Variants in MS4A13 observed in about 807,000 individuals in gnomAD.
The protein encoded by MS4A13 is membrane spanning 4-domains A13.
A neutral mutation model predicts 18.4 loss-of-function variants in MS4A13; 21 were observed. The ratio of observed to expected loss-of-function variants is 1.14; its 90% CI spans 0.81 to 1.64. The LOEUF (loss-of-function observed/expected upper bound fraction) is 1.64. MS4A13 is among the 40% of genes most tolerant of loss of function. The pLI is 0.00. For synonymous variants in MS4A13, 62 were observed against 57.2 expected (o/e 1.08, Z -0.38); for missense variants, 173 against 176.8 (o/e 0.98, Z 0.12).
chr11:60,527,394 CTCTCTCTCTCTCTCTCTGTGTG>C (rs2086723724), intron 5 of MS4A13, among the ~76,000 whole-genome samples: 2 of 115,212 alleles, frequency 1.7e-5, no homozygotes, highest in African/African-American at 8.5e-5. Context: ...CTCTCTCTCT[CTCTCTCTCTCTCTCTCTGTGTG>C]TGTGTGTGTG....
chr11:60,542,429 T>TA, intron 6 of MS4A13, 90 bp from the exon 7 acceptor site: 1 of 801,006 alleles, frequency 1.2e-6, no homozygotes, highest in Non-Finnish European at 2.0e-6. Context: ...ATATCAGTAT[T>TA]ACCTGTATTT....
At chr11:60,518,491 C>A (rs1273183873) in intron 3 of MS4A13, among the ~76,000 whole-genome samples, 1 of 152,174 alleles carries the variant, frequency 6.6e-6, no homozygotes, top group Non-Finnish European at 1.5e-5. Context: ...AGAATCTTAA[C>A]TATAATATCC....
At chr11:60,538,391 C>A (rs1040818264) in intron 6 of MS4A13, among the ~76,000 whole-genome samples, 1 of 150,848 alleles carries the variant, frequency 6.6e-6, no homozygotes, top group Non-Finnish European at 1.5e-5. Flanking sequence ...ACTGGATATT[C>A]CAAAACTACC....
chr11:60,524,619 T>C (rs1435680767), intron 4 of MS4A13, among the ~76,000 whole-genome samples: 1 of 152,034 alleles, frequency 6.6e-6, no homozygotes, highest in African/African-American at 2.4e-5. Context: ...TCATATCTTA[T>C]ATGCTTTCTT....
chr11:60,543,228 C>T (rs1350817081), downstream of MS4A13, among the ~76,000 whole-genome samples: 3 of 152,108 alleles, frequency 2.0e-5, no homozygotes, highest in Non-Finnish European at 2.9e-5. Context: ...TTCTAGAAAT[C>T]GGTTCTGAAT....
intron 3 of MS4A13, among the ~76,000 whole-genome samples, chr11:60,521,682 C>T (rs1158661447): frequency 6.6e-6 from 1 of 152,170 alleles, no homozygotes; most frequent in Non-Finnish European, 1.5e-5. Context: ...CTAGGGAGTT[C>T]CAAACTTTCC....
At chr11:60,527,445 T>TGTGTGTGTGTGTGTGTGTGTGTG (rs2086726963) in intron 5 of MS4A13, among the ~76,000 whole-genome samples, 2 of 149,434 alleles carry the variant, frequency 1.3e-5, no homozygotes, top group African/African-American at 5.0e-5. Flanking sequence ...TGTGTGTGTG[T>TGTGTGTGTGTGTGTGTGTGTGTG]TTCCGTTTCC....
At chr11:60,525,418 C>G (rs1000525222) in intron 5 of MS4A13, 92 bp downstream of exon 5, 3 of 806,408 alleles carry the variant, frequency 3.7e-6, no homozygotes, top group Non-Finnish European at 5.5e-6. Flanking sequence ...GGCTTTTATT[C>G]GTCCTCATGA....
Position 60,533,539 on chromosome 11 carries a change from C to T in MS4A13, c.402+4079C>T, listed in dbSNP as rs1244723552. Among the ~76,000 whole-genome samples the T allele has an allele frequency of 9.2e-3, 1,108 of 120,972 alleles. 63 individuals carry two copies. Among genetic ancestry groups the T allele is most frequent in the African/African-American group, 0.033 (1,017 of 30,520 alleles). 79.4% of individuals were successfully genotyped at this position (120,972 alleles called of 152,430 possible). On this transcript the variant is annotated intron_variant, in intron 6 of 6. Coordinates refer to ENST00000378186, the MANE Select transcript of MS4A13 (RefSeq NM_001012417.3). The stretch of plus-strand genomic sequence containing the variant: ...GGACTATGTGAAAAGACCAAATCTA[C>T]GTCTGATTGGTGTACCTAAAAGTGA...
chr11:60,524,626 T>C (rs2086700082), intron 4 of MS4A13, among the ~76,000 whole-genome samples: 1 of 151,974 alleles, frequency 6.6e-6, no homozygotes, highest in Non-Finnish European at 1.5e-5. Flanking sequence ...TTATATGCTT[T>C]CTTCCAAATG....
intron 3 of MS4A13, among the ~76,000 whole-genome samples, chr11:60,518,726 A>G (rs1347415654): frequency 6.6e-6 from 1 of 152,222 alleles, no homozygotes; most frequent in Non-Finnish European, 1.5e-5. Flanking sequence ...TGTTTTGTCA[A>G]ATAAAATGAG....
intron 3 of MS4A13, among the ~76,000 whole-genome samples, chr11:60,520,302 A>G (rs1218682395): frequency 6.6e-6 from 1 of 152,136 alleles, no homozygotes; most frequent in Non-Finnish European, 1.5e-5. Flanking sequence ...TTCAAAACCA[A>G]TCATGCCTTC....
At chr11:60,540,971 A>G (rs1451589670) in intron 6 of MS4A13, among the ~76,000 whole-genome samples, 1 of 147,596 alleles carries the variant, frequency 6.8e-6, no homozygotes, top group Non-Finnish European at 1.5e-5. Flanking sequence ...AAAAAAAAAA[A>G]GGAAAGGAAA....
At chr11:60,522,197 C>CAGATAGATAGATAGAT (rs1162980039) in intron 3 of MS4A13, among the ~76,000 whole-genome samples, 2 of 129,882 alleles carry the variant, frequency 1.5e-5, no homozygotes, top group Non-Finnish European at 3.2e-5. Flanking sequence ...AAAGATCAGA[C>CAGATAGATAGATAGAT]AGATAGATAG....
chr11:60,522,239 G>GATGTGTGTATATATATATATATCTATAT (rs1555023685), intron 3 of MS4A13, among the ~76,000 whole-genome samples: 2 of 133,890 alleles, frequency 1.5e-5, no homozygotes, highest in East Asian at 4.3e-4. Context: ...TAGATAGATA[G>GATGTGTGTATATATATATATATCTATAT]ATGTATATAT....
intron 5 of MS4A13, among the ~76,000 whole-genome samples, chr11:60,527,785 G>A (rs971077930): frequency 6.6e-5 from 10 of 152,134 alleles, no homozygotes; most frequent in Middle Eastern, 3.4e-3. Flanking sequence ...GCAGTGAGCC[G>A]AGATTGCGCC....
At chr11:60,529,519 C>A in intron 6 of MS4A13, 59 bp downstream of exon 6, 1 of 928,220 alleles carries the variant, frequency 1.1e-6, no homozygotes, top group South Asian at 1.8e-5. Context: ...TAACTACACT[C>A]TATGAGAAGA....
chr11:60,518,031 A>T, intron 2 of MS4A13, 41 bp from the exon 3 acceptor site: 1 of 1,474,520 alleles, frequency 6.8e-7, no homozygotes, highest in Non-Finnish European at 9.2e-7. Context: ...TTGTGTTTTA[A>T]ATTACATTAT....
downstream of MS4A13, among the ~76,000 whole-genome samples, chr11:60,542,981 C>CT (rs772864034): frequency 5.3e-5 from 8 of 152,142 alleles, no homozygotes; most frequent in Non-Finnish European, 8.8e-5. Context: ...ATTTTACAGT[C>CT]TGAGTTCTTC....
Sources: allele counts gnomAD v4.1 joint callset (sites outside exome capture counted in the v4.1 genomes callset), GRCh38; gene constraint gnomAD v4.1.1; transcripts MANE v1.5; gene names NCBI Gene and HGNC (gene_info 2026-07-23, HGNC 2026-07-21).